NRDC: variants seen among roughly 807,000 people sequenced by gnomAD.
The protein encoded by NRDC is nardilysin convertase, also known as nardilysin.
A neutral mutation model predicts 147.1 loss-of-function variants in NRDC; 54 were observed. The observed-to-expected ratio is 0.37, with a 90% confidence interval of 0.29 to 0.46. The LOEUF is 0.46. Ranked by LOEUF, NRDC falls within the 20% of genes least tolerant of loss-of-function variation. NRDC has a pLI of 1.00. For synonymous variants in NRDC, 440 were observed against 482.1 expected (o/e 0.91, Z 1.14); for missense variants, 1,082 against 1,370.6 (o/e 0.79, Z 3.33).
chr1:51,796,040 C>G (rs1464055698), intron 22 of NRDC, among the ~76,000 whole-genome samples: 1 of 152,040 alleles, frequency 6.6e-6, no homozygotes, highest in Non-Finnish European at 1.5e-5. Flanking sequence ...TTGCTACACC[C>G]AGCTAATTTT....
chr1:51,836,511 A>C, intron 2 of NRDC: 1 of 1,303,148 alleles, frequency 7.7e-7, no homozygotes, highest in Non-Finnish European at 1.1e-6. Context: ...ATATCATTTC[A>C]TGTCAGCATT....
At chr1:51,790,474 G>GC (rs1678565267) in intron 29 of NRDC, 59 bp downstream of exon 29, 1 of 1,018,904 alleles carries the variant, frequency 9.8e-7, no homozygotes, top group African/African-American at 1.6e-5. Flanking sequence ...GACCTGTGAT[G>GC]CCTGTAGAAT....
At chr1:51,800,345 A>G (rs1235320105) in intron 21 of NRDC, among the ~76,000 whole-genome samples, 1 of 152,194 alleles carries the variant, frequency 6.6e-6, no homozygotes, top group Non-Finnish European at 1.5e-5. Flanking sequence ...TAGTCTCTAC[A>G]GTAAGCTGCT....
chr1:51,833,448 A>G (rs1303572692), intron 4 of NRDC, among the ~76,000 whole-genome samples: 4 of 152,048 alleles, frequency 2.6e-5, no homozygotes, highest in Non-Finnish European at 4.4e-5. Flanking sequence ...CTTAAAAAAA[A>G]AAAAAAAAAG....
At chr1:51,845,693 T>C (rs114176321) in intron 1 of NRDC, among the ~76,000 whole-genome samples, 4,467 of 152,336 alleles carry the variant, frequency 0.029, 107 homozygotes, top group South Asian at 0.11. Flanking sequence ...TATTCTCTTT[T>C]ATCCTACTTT....
intron 1 of NRDC, among the ~76,000 whole-genome samples, chr1:51,861,938 C>G (rs1250746552): frequency 6.6e-6 from 1 of 152,110 alleles, no homozygotes; most frequent in African/African-American, 2.4e-5. Context: ...TTCGACGACT[C>G]AGGAAGGGCC....
Position 51,840,514 on chromosome 1 carries a change from T to A in NRDC, c.342A>T (p.Arg114=), listed in dbSNP as rs781372261. 1 of 1,576,098 alleles carries A rather than the reference T, an allele frequency of 6.3e-7. No homozygotes were observed. The highest frequency in any genetic ancestry group is 1.7e-4 in the Middle Eastern group (1 of 5,856). Residue 114 remains arginine, a splice_region_variant and synonymous_variant, in exon 2 of 31, where the codon CGA becomes CGT. Transcript: ENST00000352171. The part of the protein sequence containing the change: ...VKSPSDPKQY[R]YIKLQNGLQA... ...GCAAGCCATTCTGTAATTTGATGTA[T>A]CTGGGGGGAGAAAAAAAAAATCACA...
intron 1 of NRDC, among the ~76,000 whole-genome samples, chr1:51,846,672 G>C (rs768077611): frequency 1.3e-5 from 2 of 152,218 alleles, no homozygotes; most frequent in Non-Finnish European, 2.9e-5. Context: ...CATAAAGGTA[G>C]TGAGAACCCA....
At chr1:51,836,234 C>G in intron 2 of NRDC, 22 bp from the exon 3 acceptor site, 1 of 1,611,110 alleles carries the variant, frequency 6.2e-7, no homozygotes, top group Non-Finnish European at 8.5e-7. Flanking sequence ...AGAACACATA[C>G]AAATAGTTGA....
At chr1:51,828,199 C>T (rs901997773) in intron 4 of NRDC, among the ~76,000 whole-genome samples, 2 of 152,196 alleles carry the variant, frequency 1.3e-5, no homozygotes, top group African/African-American at 4.8e-5. Flanking sequence ...CAAGAAATAT[C>T]CTGAATGTAT....
At position 51,878,718 on chromosome 1, in the gene NRDC, G is replaced by GA; in HGVS notation, c.-104dup. 1.1e-6 allele frequency: 1 copy of GA among 950,418 alleles called. No individual in the cohort carries two copies. The highest frequency in any genetic ancestry group is 1.6e-6 in the Non-Finnish European group (1 of 642,510). The allele number at this position is 950,418 out of a possible 1,614,324, so 58.9% of individuals were successfully genotyped here. A position where few individuals can be genotyped will look rare whatever the true frequency, so the allele number is the denominator to read the frequency against. ...GCCCTGGTGCTGCCGCAGCCGCGGG[G>GA]AACAGGCCTGAACCCCTCCCCCAAC... On this transcript the variant is annotated 5_prime_UTR_variant, in exon 1 of 31. Coordinates refer to ENST00000352171, the MANE Select transcript of NRDC (RefSeq NM_001101662.2).
intron 29 of NRDC, 79 bp downstream of exon 29, chr1:51,790,454 G>T: frequency 1.2e-6 from 1 of 859,050 alleles, no homozygotes; most frequent in African/African-American, 1.6e-5. Context: ...ACACAATGCT[G>T]GTGTGCACAG....
chr1:51,818,257 A>AACTTAAG, intron 9 of NRDC, 122 bp from the exon 10 acceptor site: 1 of 609,650 alleles, frequency 1.6e-6, no homozygotes, highest in East Asian at 3.3e-5. Flanking sequence ...AGTACAATGC[A>AACTTAAG]GTTATTGTTT....
intron 2 of NRDC, among the ~76,000 whole-genome samples, chr1:51,836,606 A>G (rs1282954759): frequency 1.3e-5 from 2 of 152,212 alleles, no homozygotes; most frequent in Non-Finnish European, 2.9e-5. Context: ...ATATCTCTGA[A>G]GATCTCTAAG....
rs114605707 is a variant in NRDC at position 51,846,664 on chromosome 1, T to C, written c.342-6150A>G. On this transcript the variant is annotated intron_variant, in intron 1 of 30. Transcript: ENST00000352171. ...CCTTCAGGGTGAGTGTTATAGCTCA[T>C]AAAGGTAGTGAGAACCCAAAAAGTG... 9.9e-3 allele frequency among the ~76,000 whole-genome samples: 1,502 copies of C among 152,302 alleles called. 13 individuals carry two copies. The highest frequency in any genetic ancestry group is 0.017 in the Non-Finnish European group (1,156 of 68,016).
At chr1:51,791,506 A>T in intron 27 of NRDC, 72 bp downstream of exon 27, 4 of 1,303,354 alleles carry the variant, frequency 3.1e-6, no homozygotes. Context: ...CCCAAGGTTT[A>T]AGGAAACACA....
Position 51,835,467 on chromosome 1 carries a change from GTTTTTTT to G in NRDC, c.712+657_712+663del, listed in dbSNP as rs951683379. On this transcript the variant is annotated intron_variant, in intron 3 of 30. Transcript: ENST00000352171. ...AATTTCTAGGTTTTTTTTGTTTCTT[GTTTTTTT>G]TTTTTTTTTTTTGAGACAGTCTTGC... Among the ~76,000 whole-genome samples the G allele has an allele frequency of 2.1e-3, 236 of 114,610 alleles. 2 individuals carry two copies. Among genetic ancestry groups the G allele is most frequent in the Non-Finnish European group, 3.3e-3 (182 of 55,810 alleles). 75.2% of individuals were successfully genotyped at this position (114,610 alleles called of 152,430 possible). A position where few individuals can be genotyped will look rare whatever the true frequency, so the allele number is the denominator to read the frequency against.
intron 1 of NRDC, among the ~76,000 whole-genome samples, chr1:51,859,419 GC>G (rs1274399986): frequency 6.6e-6 from 1 of 152,226 alleles, no homozygotes; most frequent in African/African-American, 2.4e-5. Context: ...CTGGATGTAT[GC>G]CCACAGTGAG....
rs150662786 is a variant in NRDC, at chr1:51,878,450, C to G, written c.166G>C (p.Ala56Pro). The G allele has an allele frequency of 4.4e-4, 710 of 1,613,952 alleles. 1 individual carries two copies. Among genetic ancestry groups the G allele is most frequent in the Non-Finnish European group, 5.7e-4 (673 of 1,180,040 alleles). The change falls in exon 1 of 31, where the codon GCG becomes CCG. Residue 56 changes from alanine (A) to proline (P), a missense_variant. Physicochemically the swap from Ala to Pro is conservative, Grantham distance 27 (BLOSUM62 -1). Coordinates refer to ENST00000352171, the MANE Select transcript of NRDC (RefSeq NM_001101662.2). ...PILAMPGRNKAKSTCSCPDLQ... is the reference protein window; with the variant it reads ...PILAMPGRNKPKSTCSCPDLQ... Reference sequence around the variant, plus strand: ...TCAGGGCAGCTGCAGGTAGACTTCGCCTTGTTCCTTCCAGGCATGGCCAGA... The same window carrying G: ...TCAGGGCAGCTGCAGGTAGACTTCGGCTTGTTCCTTCCAGGCATGGCCAGA...
Sources: allele counts gnomAD v4.1 joint callset (sites outside exome capture counted in the v4.1 genomes callset), GRCh38; gene constraint gnomAD v4.1.1; transcripts MANE v1.5; gene names NCBI Gene and HGNC (gene_info 2026-07-23, HGNC 2026-07-21).